Variants in ZEB1 observed in about 807,000 individuals in gnomAD.
ZEB1 encodes the protein zinc finger E-box-binding homeobox 1.
In ZEB1, 21 loss-of-function variants were observed where a neutral mutation model predicts 84.9. That is an observed-to-expected ratio of 0.25 (90% CI 0.18 to 0.36). The LOEUF (loss-of-function observed/expected upper bound fraction) is 0.36. Ranked by LOEUF, ZEB1 falls within the 10% of genes least tolerant of loss-of-function variation. ZEB1 has a pLI of 1.00. For missense variants in ZEB1, 1,104 were observed against 1,330.2 expected (o/e 0.83, Z 2.65); for synonymous variants, 420 against 471.1 (o/e 0.89, Z 1.41).
intron 1 of ZEB1, among the ~76,000 whole-genome samples, chr10:31,390,417 G>T (rs550861597): frequency 6.6e-6 from 1 of 152,254 alleles, no homozygotes; most frequent in South Asian, 2.1e-4. Context: ...AGACAGAAGA[G>T]GGGCTCAAAT....
chr10:31,364,337 C>G (rs1590350457), intron 1 of ZEB1, among the ~76,000 whole-genome samples: 1 of 152,184 alleles, frequency 6.6e-6, no homozygotes, highest in Non-Finnish European at 1.5e-5. Flanking sequence ...GATGGGCCCC[C>G]CTGTGGGGCT....
At chr10:31,455,847 G>A (rs1481235947) in intron 1 of ZEB1, among the ~76,000 whole-genome samples, 1 of 152,122 alleles carries the variant, frequency 6.6e-6, no homozygotes, top group East Asian at 1.9e-4. Context: ...AAGACAATGT[G>A]GCGATTCCTC....
At chr10:31,382,471 ACT>A (rs1434383544) in intron 1 of ZEB1, among the ~76,000 whole-genome samples, 2 of 152,174 alleles carry the variant, frequency 1.3e-5, no homozygotes, top group Non-Finnish European at 2.9e-5. Context: ...ATATACAGTA[ACT>A]AAATGTATGA....
intron 1 of ZEB1, among the ~76,000 whole-genome samples, chr10:31,442,037 A>T (rs2059063739): frequency 6.6e-6 from 1 of 152,208 alleles, no homozygotes. Flanking sequence ...ATACCATTTG[A>T]CCCAGCCATC....
rs546084874 is a variant in ZEB1 at position 31,438,902 on chromosome 10, A to G, written c.59-22135A>G. 5.9e-5 allele frequency among the ~76,000 whole-genome samples: 9 copies of G among 152,348 alleles called. No individual in the cohort carries two copies. In the South Asian group the frequency reaches 1.9e-3, roughly 32 times the overall value. On this transcript the variant is annotated intron_variant, in intron 1 of 8. Coordinates refer to ENST00000424869, the MANE Select transcript of ZEB1 (RefSeq NM_001174096.2). ...TATACATACGTACATACATGCATAC[A>G]TAGAGAGCCAGCAAATATTTTGCCC... is the stretch of plus-strand genomic sequence containing the variant.
Position 31,525,025 on chromosome 10 carries a change from A to G in ZEB1, c.2785+912A>G, listed in dbSNP as rs145462997. On this transcript the variant is annotated intron_variant, in intron 8 of 8. Transcript: ENST00000424869. The stretch of plus-strand genomic sequence containing the variant: ...CATACGCATGTTTTTCTATGAGGTA[A>G]GAATGGTAGTTTTTGATTTTGTTTT... Among the ~76,000 whole-genome samples, 402 of 152,346 alleles carry G rather than the reference A, an allele frequency of 2.6e-3. 1 individual carries two copies. Among genetic ancestry groups the G allele is most frequent in the African/African-American group, 8.9e-3 (372 of 41,574 alleles).
At chr10:31,511,406 A>G (rs562928316) in intron 5 of ZEB1, among the ~76,000 whole-genome samples, 12 of 152,028 alleles carry the variant, frequency 7.9e-5, no homozygotes, top group Non-Finnish European at 1.5e-4. Context: ...TGAAGACTCA[A>G]TTTTTATATG....
At chr10:31,446,179 C>T (rs906205989) in intron 1 of ZEB1, among the ~76,000 whole-genome samples, 14 of 152,264 alleles carry the variant, frequency 9.2e-5, no homozygotes, top group African/African-American at 2.6e-4. Context: ...ATCCATCTCT[C>T]CTAGATTTTC....
intron 2 of ZEB1, among the ~76,000 whole-genome samples, chr10:31,481,731 C>T (rs2065068263): frequency 6.6e-6 from 1 of 151,776 alleles, no homozygotes; most frequent in Non-Finnish European, 1.5e-5. Context: ...GAAGGAGTTC[C>T]CAATAGCCAA....
intron 1 of ZEB1, among the ~76,000 whole-genome samples, chr10:31,398,768 AT>A (rs2051313651): frequency 6.6e-6 from 1 of 151,914 alleles, no homozygotes; most frequent in South Asian, 2.1e-4. Context: ...GGCCTTTTAG[AT>A]ACTATACTAC....
chr10:31,330,006 T>C (rs190151379), intron 1 of ZEB1, among the ~76,000 whole-genome samples: 3 of 152,310 alleles, frequency 2.0e-5, no homozygotes, highest in African/African-American at 7.2e-5. Context: ...TTATCAGTTT[T>C]CTTAATGGTA....
At chr10:31,462,041 TCCAAG>T (rs2061879690) in intron 2 of ZEB1, among the ~76,000 whole-genome samples, 1 of 151,972 alleles carries the variant, frequency 6.6e-6, no homozygotes, top group South Asian at 2.1e-4. Flanking sequence ...ATAAATCGAA[TCCAAG>T]ACCAGTCAAA....
At chr10:31,482,283 G>T (rs952107984) in intron 2 of ZEB1, among the ~76,000 whole-genome samples, 6 of 152,004 alleles carry the variant, frequency 3.9e-5, no homozygotes, top group African/African-American at 1.2e-4. Context: ...AGAAATCCAA[G>T]TTGAGGGGCA....
intron 1 of ZEB1, among the ~76,000 whole-genome samples, chr10:31,431,583 A>G (rs161267): frequency 0.079 from 11,966 of 152,194 alleles, 673 homozygotes; most frequent in African/African-American, 0.16. Context: ...TTTTAGTGGG[A>G]TATAAGGGTT....
chr10:31,517,837 A>G (rs1032199869), intron 6 of ZEB1, among the ~76,000 whole-genome samples: 1 of 152,174 alleles, frequency 6.6e-6, no homozygotes, highest in Non-Finnish European at 1.5e-5. Context: ...ATTAATTCAT[A>G]TAGTCCTCAG....
At chr10:31,525,208 A>G (rs1002346425) in intron 8 of ZEB1, among the ~76,000 whole-genome samples, 2 of 152,212 alleles carry the variant, frequency 1.3e-5, no homozygotes, top group African/African-American at 4.8e-5. Context: ...CTGTTCTACA[A>G]TGGCAGGATT....
At chr10:31,385,099 A>G (rs1231128760) in intron 1 of ZEB1, among the ~76,000 whole-genome samples, 2 of 152,186 alleles carry the variant, frequency 1.3e-5, no homozygotes, top group Non-Finnish European at 2.9e-5. Context: ...TTTAAACCTG[A>G]TTCCCTGAGA....
At chr10:31,453,946 G>A (rs2060894565) in intron 1 of ZEB1, among the ~76,000 whole-genome samples, 1 of 152,082 alleles carries the variant, frequency 6.6e-6, no homozygotes, top group South Asian at 2.1e-4. Flanking sequence ...ACCTGGCAGA[G>A]ACACAACAAA....
chr10:31,321,317 T>C (rs1466737278), intron 1 of ZEB1: 2 of 1,418,100 alleles, frequency 1.4e-6, no homozygotes, highest in Non-Finnish European at 1.8e-6. Context: ...AATCACTGCT[T>C]TCGTGATTTT....
Sources: allele counts gnomAD v4.1 joint callset (sites outside exome capture counted in the v4.1 genomes callset), GRCh38; gene constraint gnomAD v4.1.1; transcripts MANE v1.5; gene names NCBI Gene and HGNC (gene_info 2026-07-23, HGNC 2026-07-21).